Variants in TAF1 observed in about 807,000 individuals in gnomAD.
TAF1 encodes the protein TATA-box binding protein associated factor 1.
In TAF1, 2 loss-of-function variants were observed where a neutral mutation model predicts 138.5. The observed-to-expected ratio is 0.01, with a 90% CI of 0.01 to 0.05. TAF1 has a LOEUF of 0.05. TAF1 is among the 10% of genes least tolerant of loss of function. TAF1 has a pLI of 1.00. For missense variants in TAF1, 709 were observed against 1,478.0 expected (o/e 0.48, Z 8.53); for synonymous variants, 437 against 503.2 (o/e 0.87, Z 1.76).
At chrX:71,481,520 G>A (rs1454098960) in intron 13 of TAF1, among the ~76,000 whole-genome samples, 1 of 111,802 alleles carries the variant, frequency 8.9e-6, no homozygotes, top group Non-Finnish European at 1.9e-5. Context: ...ATGTCATTCC[G>A]TGAGGAATGG....
chrX:71,488,239 C>CTTTTT (rs368273639), intron 13 of TAF1, among the ~76,000 whole-genome samples: 18 of 71,292 alleles, frequency 2.5e-4, no homozygotes, highest in South Asian at 6.7e-4. Flanking sequence ...TAGGTGGTTT[C>CTTTTT]TTTTTTTTTT....
At chrX:71,398,759 T>C in intron 24 of TAF1, 22 bp downstream of exon 24, 1 of 1,175,517 alleles carries the variant, frequency 8.5e-7, no homozygotes, top group Non-Finnish European at 1.1e-6. Context: ...GTGGTGTGAT[T>C]ACAGCTAACG....
intron 27 of TAF1, 76 bp downstream of exon 27, chrX:71,407,748 C>T (rs1202049045): frequency 5.7e-6 from 6 of 1,050,294 alleles, no homozygotes; most frequent in Non-Finnish European, 6.6e-6. Flanking sequence ...CAATAGAGGG[C>T]AGTAATCTGT....
chrX:71,373,584 G>A (rs2033252472), intron 3 of TAF1, among the ~76,000 whole-genome samples: 1 of 112,005 alleles, frequency 8.9e-6, no homozygotes, highest in South Asian at 3.6e-4. Flanking sequence ...ATGTGATGTT[G>A]ATAGGGAATT....
chrX:71,394,143 G>C lies in TAF1; in HGVS notation c.3304G>C (p.Gly1102Arg), dbSNP rs2034718061. Residue 1102 changes from glycine (G) to arginine (R), a missense_variant, in exon 22 of 38, where the codon GGA (glycine) becomes CGA (arginine). By Grantham distance (125) the Gly-to-Arg change is moderately radical. Coordinates refer to ENST00000423759, the MANE Select transcript of TAF1 (RefSeq NM_004606.5). ...TGAAGATAGTGACTTTGAAGAAATG[G>C]GAAAGAACATTGAGAACATGTTGCA... is the stretch of plus-strand genomic sequence containing the variant. ...SAEDSDFEEM[G>R]KNIENMLQNK... 8.3e-7 allele frequency: 1 copy of C among 1,210,592 alleles called. No individual in the cohort carries two copies. Among genetic ancestry groups the C allele is most frequent in the East Asian group, 3.0e-5 (1 of 33,826 alleles).
At chrX:71,505,703 T>C (rs1350587319) in intron 13 of TAF1, among the ~76,000 whole-genome samples, 1 of 111,438 alleles carries the variant, frequency 9.0e-6, no homozygotes, top group Non-Finnish European at 1.9e-5. Context: ...GATCCTGGAA[T>C]AGAAAAAGGA....
At chrX:71,452,988 T>A (rs1973682234) in intron 32 of TAF1, among the ~76,000 whole-genome samples, 1 of 111,185 alleles carries the variant, frequency 9.0e-6, no homozygotes, top group African/African-American at 3.3e-5. Context: ...GCAGGCAGGT[T>A]GCAGTGAGCC....
intron 25 of TAF1, 31 bp downstream of exon 25, chrX:71,401,770 G>A: frequency 1.7e-6 from 2 of 1,182,856 alleles, no homozygotes; most frequent in East Asian, 3.0e-5. Flanking sequence ...AGTGCTATGG[G>A]ACAGATTTAT....
At chrX:71,523,755 T>C (rs1251506558) in intron 13 of TAF1, among the ~76,000 whole-genome samples, 1 of 111,513 alleles carries the variant, frequency 9.0e-6, no homozygotes, top group Non-Finnish European at 1.9e-5. Flanking sequence ...TACAATGGGA[T>C]TCAGGACAAT....
At chrX:71,400,852 G>A (rs1453926496) in intron 24 of TAF1, among the ~76,000 whole-genome samples, 1 of 112,314 alleles carries the variant, frequency 8.9e-6, no homozygotes, top group African/African-American at 3.2e-5. Flanking sequence ...TTAGATAAGT[G>A]TGATACAGTA....
chrX:71,375,057 C>T, intron 3 of TAF1, 110 bp from the exon 4 acceptor site: 1 of 1,026,098 alleles, frequency 9.7e-7, no homozygotes, highest in Non-Finnish European at 1.3e-6. Context: ...GCCTGGGCGA[C>T]AGAGCAAGAC....
At chrX:71,491,395 G>T (rs1452283954) in intron 13 of TAF1, among the ~76,000 whole-genome samples, 1 of 110,886 alleles carries the variant, frequency 9.0e-6, no homozygotes, top group Non-Finnish European at 1.9e-5. Context: ...ACAGGTTCAG[G>T]TGTGTGTGGA....
intron 28 of TAF1, among the ~76,000 whole-genome samples, chrX:71,411,750 AG>A (rs1454308233): frequency 8.9e-6 from 1 of 112,195 alleles, no homozygotes; most frequent in African/African-American, 3.2e-5. Flanking sequence ...TAAAGTGGTC[AG>A]GTTTTTTGTT....
chrX:71,483,778 C>CTATATATATA (rs1486207258), intron 13 of TAF1, among the ~76,000 whole-genome samples: 6 of 54,132 alleles, frequency 1.1e-4, no homozygotes, highest in South Asian at 1.3e-3. Context: ...CTCTCTCTCT[C>CTATATATATA]TCTATATATA....
intron 13 of TAF1, among the ~76,000 whole-genome samples, chrX:71,484,336 C>CTT (rs376235189): frequency 2.9e-5 from 3 of 101,753 alleles, no homozygotes; most frequent in African/African-American, 1.1e-4. Flanking sequence ...GGTCAAATTA[C>CTT]TTTTTTTTTT....
intron 28 of TAF1, among the ~76,000 whole-genome samples, chrX:71,409,866 A>G (rs748695398): frequency 5.4e-5 from 6 of 110,095 alleles, no homozygotes; most frequent in Non-Finnish European, 1.1e-4. Context: ...TTTCTTCCCT[A>G]TATTTCCAGA....
In TAF1 at chrX:71,413,911, A is replaced by T. The variant is rs757334283; in HGVS notation, c.4384+5760A>T. On this transcript the variant is annotated intron_variant, in intron 28 of 37. Transcript: ENST00000423759. ...AGTCATCATACTCCTCTTGGCCAGCAGTGTCCCACGTGTTCAGGCTAACGA... is the reference window on the plus strand; with the variant it reads ...AGTCATCATACTCCTCTTGGCCAGCTGTGTCCCACGTGTTCAGGCTAACGA... 3 of 111,821 alleles carry T rather than the reference A, an allele frequency of 2.7e-5. No homozygotes were observed. The South Asian group carries it at 1.1e-3, about 41-fold the overall frequency. 9.2% of individuals were successfully genotyped at this position (111,821 alleles called of 1,213,427 possible).
intron 13 of TAF1, among the ~76,000 whole-genome samples, chrX:71,488,815 C>G (rs2039220750): frequency 9.1e-6 from 1 of 110,246 alleles, no homozygotes; most frequent in African/African-American, 3.3e-5. Context: ...ACCTGTAATC[C>G]CAGCACTTTG....
chrX:71,413,078 G>A (rs1051545726), intron 28 of TAF1, among the ~76,000 whole-genome samples: 5 of 110,819 alleles, frequency 4.5e-5, no homozygotes, highest in African/African-American at 1.6e-4. Context: ...TCTAATTTTC[G>A]GATTAGGGAT....
Sources: allele counts gnomAD v4.1 joint callset (sites outside exome capture counted in the v4.1 genomes callset), GRCh38; gene constraint gnomAD v4.1.1; transcripts MANE v1.5; gene names NCBI Gene and HGNC (gene_info 2026-07-23, HGNC 2026-07-21).